The following SCEL variants were observed in gnomAD, a reference collection of about 807,000 sequenced individuals.
SCEL encodes sciellin.
In SCEL, 113 loss-of-function variants were observed where a neutral mutation model predicts 117.6. The ratio of observed to expected loss-of-function variants is 0.96; its 90% confidence interval spans 0.83 to 1.12. SCEL has a LOEUF of 1.12. SCEL is among the 50% of genes most tolerant of loss of function. The pLI is 0.00. For synonymous variants in SCEL, 270 were observed against 256.2 expected (o/e 1.05, Z -0.51); for missense variants, 785 against 810.8 (o/e 0.97, Z 0.39).
chr13:77,585,230 C>T (rs1197559649), intron 9 of SCEL, among the ~76,000 whole-genome samples: 3 of 152,086 alleles, frequency 2.0e-5, no homozygotes, highest in Non-Finnish European at 4.4e-5. Flanking sequence ...ATGTGTAATC[C>T]AGAATAGTGT....
chr13:77,626,933 T>C (rs2089767612), intron 27 of SCEL, among the ~76,000 whole-genome samples: 1 of 152,000 alleles, frequency 6.6e-6, no homozygotes, highest in African/African-American at 2.4e-5. Flanking sequence ...ACAAAGACGT[T>C]TCCTAACTCA....
chr13:77,641,446 C>T (rs1048466762), intron 31 of SCEL, among the ~76,000 whole-genome samples: 3 of 152,098 alleles, frequency 2.0e-5, no homozygotes, highest in Non-Finnish European at 4.4e-5. Flanking sequence ...TAACTATGTC[C>T]GTGTGACTTT....
At chr13:77,621,287 C>G (rs532934931) in intron 27 of SCEL, among the ~76,000 whole-genome samples, 1 of 152,184 alleles carries the variant, frequency 6.6e-6, no homozygotes, top group South Asian at 2.1e-4. Flanking sequence ...AAGCCCACCA[C>G]GATCTGGCAT....
At chr13:77,607,858 A>G (rs528982515) in intron 19 of SCEL, among the ~76,000 whole-genome samples, 198 bp from the exon 20 acceptor site, 5 of 152,348 alleles carry the variant, frequency 3.3e-5, no homozygotes, top group Admixed American at 2.6e-4. Flanking sequence ...CTGAGTCTCA[A>G]TGAATTTCAG....
chr13:77,583,165 G>T (rs920767002), intron 9 of SCEL, among the ~76,000 whole-genome samples: 1 of 152,096 alleles, frequency 6.6e-6, no homozygotes, highest in South Asian at 2.1e-4. Flanking sequence ...CTGCAATAGC[G>T]CCACCCTCCC....
Position 77,599,448 on chromosome 13 carries a change from T to C in SCEL, c.857+60T>C, listed in dbSNP as rs2087492429. On this transcript the variant is annotated intron_variant, in intron 14 of 32. Coordinates refer to ENST00000349847, the MANE Select transcript of SCEL (RefSeq NM_144777.3). ...CTTGCAGATTGCTCGTCTTATTCCC[T>C]CAGACATTAGCTGCAAGGGGGTTGT... The C allele has an allele frequency of 2.1e-6, 3 of 1,403,154 alleles. No homozygotes were observed. In the Admixed American group the frequency reaches 5.2e-5, roughly 24 times the overall value. The allele number at this position is 1,403,154 out of a possible 1,614,324, so 86.9% of individuals were successfully genotyped here. A position where few individuals can be genotyped will look rare whatever the true frequency, so the allele number is the denominator to read the frequency against.
chr13:77,644,138 G>A, intron 32 of SCEL, 120 bp from the exon 33 acceptor site: 6 of 1,067,868 alleles, frequency 5.6e-6, no homozygotes, highest in East Asian at 2.5e-5. Flanking sequence ...TTTCAGAAGT[G>A]GAAGGAAAAG....
intron 1 of SCEL, among the ~76,000 whole-genome samples, chr13:77,537,240 A>G (rs1448534036): frequency 1.3e-5 from 2 of 152,254 alleles, no homozygotes; most frequent in East Asian, 1.9e-4. Context: ...TTCAACTGAA[A>G]CGGAGCATAG....
intron 1 of SCEL, among the ~76,000 whole-genome samples, chr13:77,545,632 C>T (rs949499847): frequency 5.3e-5 from 8 of 152,190 alleles, no homozygotes; most frequent in Admixed American, 4.6e-4. Context: ...GGAATGTTTA[C>T]ACCTTAGAGG....
At chr13:77,566,478 T>C (rs2085297421) in intron 5 of SCEL, among the ~76,000 whole-genome samples, 1 of 152,134 alleles carries the variant, frequency 6.6e-6, no homozygotes. Flanking sequence ...CTTCCTTATT[T>C]GTGCTTTCTG....
chr13:77,570,151 A>T (rs911647593), intron 8 of SCEL, among the ~76,000 whole-genome samples: 1 of 152,222 alleles, frequency 6.6e-6, no homozygotes, highest in African/African-American at 2.4e-5. Flanking sequence ...ACCTGGGTCC[A>T]TGCTCTGTAC....
intron 9 of SCEL, among the ~76,000 whole-genome samples, chr13:77,584,149 C>G (rs990209262): frequency 1.3e-5 from 2 of 152,150 alleles, no homozygotes; most frequent in African/African-American, 2.4e-5. Context: ...AAGATCATTC[C>G]AATGAATGTC....
At chr13:77,613,711 A>G (rs4595685) in intron 23 of SCEL, among the ~76,000 whole-genome samples, 182 bp from the exon 24 acceptor site, 141,814 of 152,004 alleles carry the variant, frequency 0.93, 66,203 homozygotes, top group South Asian at 0.96. Flanking sequence ...GGGCGGTGGT[A>G]TTAATATTGA....
chr13:77,603,726 G>A lies in SCEL; in HGVS notation c.1097+591G>A, dbSNP rs1009534112. Among the ~76,000 whole-genome samples, 7 of 152,202 alleles carry A rather than the reference G, an allele frequency of 4.6e-5. No homozygotes were observed. In the South Asian group the frequency reaches 1.5e-3, roughly 32 times the overall value. On this transcript the variant is annotated intron_variant, in intron 18 of 32. Transcript: ENST00000349847. ...AATGGGGTGGCCTGTGTCCCCCTGG[G>A]GAGTGAATCATTAATTTTTCTACTA...
chr13:77,592,006 G>T (rs2086901578), intron 11 of SCEL, among the ~76,000 whole-genome samples: 1 of 152,004 alleles, frequency 6.6e-6, no homozygotes. Flanking sequence ...TGTTCTGGAT[G>T]TGTCTTCTTT....
At chr13:77,571,769 G>A (rs1313293730) in intron 8 of SCEL, among the ~76,000 whole-genome samples, 4 of 151,360 alleles carry the variant, frequency 2.6e-5, no homozygotes, top group African/African-American at 7.3e-5. Flanking sequence ...TTGTGAAATA[G>A]TTCAGACAAG....
At chr13:77,622,498 T>C (rs2089477972) in intron 27 of SCEL, among the ~76,000 whole-genome samples, 1 of 152,176 alleles carries the variant, frequency 6.6e-6, no homozygotes, top group African/African-American at 2.4e-5. Context: ...ATGGATAAAT[T>C]CTTATACTCA....
At chr13:77,642,938 A>T in intron 32 of SCEL, 130 bp downstream of exon 32, 1 of 498,460 alleles carries the variant, frequency 2.0e-6, no homozygotes, top group Non-Finnish European at 3.5e-6. Context: ...TCAGCTGCAG[A>T]TATTTATACT....
chr13:77,637,652 C>A (rs902038836), intron 30 of SCEL, among the ~76,000 whole-genome samples: 1 of 152,068 alleles, frequency 6.6e-6, no homozygotes, highest in African/African-American at 2.4e-5. Context: ...GCTGGTGATC[C>A]CCAGGAGGCC....
Sources: allele counts gnomAD v4.1 joint callset (sites outside exome capture counted in the v4.1 genomes callset), GRCh38; gene constraint gnomAD v4.1.1; transcripts MANE v1.5; gene names NCBI Gene and HGNC (gene_info 2026-07-23, HGNC 2026-07-21).